TSEN54: variants seen among roughly 807,000 people sequenced by gnomAD.
TSEN54 encodes tRNA-splicing endonuclease subunit Sen54.
In TSEN54, 55 loss-of-function variants were observed where a neutral mutation model predicts 61.9. The ratio of observed to expected loss-of-function variants is 0.89; its 90% CI spans 0.72 to 1.11. TSEN54 has a LOEUF of 1.11. Among genes scored for constraint, TSEN54 ranks in the 50% most tolerant of loss-of-function variants. The pLI, the probability that TSEN54 is intolerant of heterozygous loss-of-function variation, is 0.00. For synonymous variants in TSEN54, 304 were observed against 288.7 expected (o/e 1.05, Z -0.54); for missense variants, 760 against 687.7 (o/e 1.11, Z -1.18).
At chr17:75,517,920 T>C (rs2053391058) in intron 5 of TSEN54, among the ~76,000 whole-genome samples, 2 of 152,040 alleles carry the variant, frequency 1.3e-5, no homozygotes, top group Non-Finnish European at 2.9e-5. Context: ...TGTCGCAGGT[T>C]GGGGGTGGGT....
rs2053482004 is a variant in TSEN54 at position 75,524,561 on chromosome 17, A to G, written c.*149A>G. On this transcript the variant is annotated 3_prime_UTR_variant, in exon 11 of 11. Coordinates refer to ENST00000333213, the MANE Select transcript of TSEN54 (RefSeq NM_207346.3). ...TTGGCCCTGGGTGTCTGATACTCACAGAGTGAAACTGTGACCCTCTCCCTT... is the reference window on the plus strand; with the variant it reads ...TTGGCCCTGGGTGTCTGATACTCACGGAGTGAAACTGTGACCCTCTCCCTT... The G allele has an allele frequency of 3.0e-6, 3 of 984,334 alleles. No homozygotes were observed. Among genetic ancestry groups the G allele is most frequent in the Non-Finnish European group, 4.8e-6 (3 of 630,372 alleles). The allele number at this position is 984,334 out of a possible 1,614,324, so 61.0% of individuals were successfully genotyped here.
At position 75,521,714 on chromosome 17, in the gene TSEN54, T is replaced by A. The variant is rs1356775062; in HGVS notation, c.633T>A (p.Asn211Lys). The change falls in exon 8 of 11, where the codon AAT becomes AAA. Residue 211 changes from asparagine (N) to lysine (K), a missense_variant. Coordinates refer to ENST00000333213, the MANE Select transcript of TSEN54 (RefSeq NM_207346.3). ...CCCCCACGTCCCTCAGGTCCATTAA[T>A]AAGAAGGCCAAGGCCCTGGACAACT... ...KRSSSSPRSI[N>K]KKAKALDNSL... The A allele has an allele frequency of 1.2e-6, 2 of 1,612,960 alleles. No homozygotes were observed. Among genetic ancestry groups the A allele is most frequent in the Non-Finnish European group, 1.7e-6 (2 of 1,179,918 alleles).
Position 75,524,370 on chromosome 17 carries a change from C to T in TSEN54, c.1539C>T (p.Tyr513=). The change falls in exon 11 of 11, where the codon TAC becomes TAT. Residue 513 remains tyrosine, a synonymous_variant. Transcript: ENST00000333213. ...ALVDHGDISF[Y]SFRDFTLPQD... is the part of the protein sequence containing the mutation. ...TGGATCATGGTGACATCTCCTTCTA[C>T]AGCTTCAGGGACTTCACGTTGCCCC... 2 of 1,614,196 alleles carry T rather than the reference C, an allele frequency of 1.2e-6. No individual in the cohort carries two copies. The highest frequency in any genetic ancestry group is 1.7e-6 in the Non-Finnish European group (2 of 1,180,046).
Position 75,516,575 on chromosome 17 carries a change from C to T in TSEN54, c.15C>T (p.Pro5=). 1 of 1,153,076 alleles carries T rather than the reference C, an allele frequency of 8.7e-7. No homozygotes were observed. The highest frequency in any genetic ancestry group is 4.8e-5 in the Admixed American group (1 of 20,866). 71.4% of individuals were successfully genotyped at this position (1,153,076 alleles called of 1,614,324 possible). A position where few individuals can be genotyped will look rare whatever the true frequency, so the allele number is the denominator to read the frequency against. MEPE[P]EPAAVEVPAG... is the part of the protein sequence containing the mutation. ...GCGGCGGCGGGATGGAGCCCGAGCC[C>T]GAGCCCGCGGCCGTGGAGGTTCCCG... The change falls in exon 1 of 11, where the codon CCC becomes CCT. Residue 5 remains proline, a synonymous_variant. Transcript: ENST00000333213.
chr17:75,520,559 C>G (rs2053416848), intron 6 of TSEN54, among the ~76,000 whole-genome samples: 1 of 144,474 alleles, frequency 6.9e-6, no homozygotes, highest in South Asian at 2.2e-4. Flanking sequence ...GCACTCCAGC[C>G]TGGGCGAAAA....
chr17:75,517,111 GCCCTCCCTGC>G lies in TSEN54; in HGVS notation c.285+42_286-38del, dbSNP rs571824583. ...TCGGGGACCGGGGACCGCCCTCCCT[GCCCTCCCTGC>G]CCTCCCTCCCTTGTGACACTTGCTC... On this transcript the variant is annotated intron_variant, in intron 3 of 10. Transcript: ENST00000333213. 910 of 1,507,034 alleles carry G rather than the reference GCCCTCCCTGC, an allele frequency of 6.0e-4. 5 individuals are homozygous for G. In the African/African-American group the frequency reaches 0.017, roughly 29 times the overall value. The allele number at this position is 1,507,034 out of a possible 1,614,324, so 93.4% of individuals were successfully genotyped here.
In TSEN54 at chr17:75,524,562, G is replaced by GTTTCACTCTGTGAGTATC; in HGVS notation, c.*150_*151insTTTCACTCTGTGAGTATC. ...TGGCCCTGGGTGTCTGATACTCACA[G>GTTTCACTCTGTGAGTATC]AGTGAAACTGTGACCCTCTCCCTTC... On this transcript the variant is annotated 3_prime_UTR_variant, in exon 11 of 11. Transcript: ENST00000333213. The GTTTCACTCTGTGAGTATC allele has an allele frequency of 1.0e-6, 1 of 973,264 alleles. No individual in the cohort carries two copies. Among genetic ancestry groups the GTTTCACTCTGTGAGTATC allele is most frequent in the Non-Finnish European group, 1.6e-6 (1 of 621,330 alleles). The allele number at this position is 973,264 out of a possible 1,614,324, so 60.3% of individuals were successfully genotyped here.
rs2147015302 is a variant in TSEN54, at chr17:75,523,194, A to G, written c.1253-81A>G. 3 of 1,601,418 alleles carry G rather than the reference A, an allele frequency of 1.9e-6. No homozygotes were observed. The East Asian group carries it at 6.7e-5, about 36-fold the overall frequency. On this transcript the variant is annotated intron_variant, in intron 8 of 10. Coordinates refer to ENST00000333213, the MANE Select transcript of TSEN54 (RefSeq NM_207346.3). ...ACTCCGTTTAAAAAAAAAAGTTGCTAAATCTGGCCGTCCTAAACTAGATGG... is the reference window on the plus strand; with the variant it reads ...ACTCCGTTTAAAAAAAAAAGTTGCTGAATCTGGCCGTCCTAAACTAGATGG...
rs924080420 is a variant in TSEN54 at position 75,521,857 on chromosome 17, A to G, written c.776A>G (p.Gln259Arg). 1 of 1,611,988 alleles carries G rather than the reference A, an allele frequency of 6.2e-7. No individual in the cohort carries two copies. Among genetic ancestry groups the G allele is most frequent in the Non-Finnish European group, 8.5e-7 (1 of 1,179,538 alleles). ...SPMKGPGGPF[Q>R]LLGSLGPSPG... ...ATGAAGGGCCCAGGGGGCCCCTTTC[A>G]GCTTCTGGGGTCCCTGGGCCCCAGC... The change falls in exon 8 of 11, where the codon CAG becomes CGG. Residue 259 changes from glutamine to arginine, a missense_variant. Coordinates refer to ENST00000333213, the MANE Select transcript of TSEN54 (RefSeq NM_207346.3).
intron 5 of TSEN54, among the ~76,000 whole-genome samples, chr17:75,518,207 G>A (rs975053703): frequency 6.6e-6 from 1 of 152,214 alleles, no homozygotes; most frequent in African/African-American, 2.4e-5. Context: ...GTGTAAAGCA[G>A]ACAGACAATT....
intron 8 of TSEN54, 53 bp downstream of exon 8, chr17:75,522,386 C>T (rs1387332330): frequency 2.0e-6 from 3 of 1,538,348 alleles, no homozygotes; most frequent in South Asian, 2.4e-5. Flanking sequence ...TGAGGAATCA[C>T]AGGACTTTGG....
rs2053450810 is a variant in TSEN54, at chr17:75,523,322, G to A, written c.1300G>A (p.Asp434Asn). 1 of 1,613,970 alleles carries A rather than the reference G, an allele frequency of 6.2e-7. No homozygotes were observed. The highest frequency in any genetic ancestry group is 8.5e-7 in the Non-Finnish European group (1 of 1,180,000). Reference protein sequence around the residue: ...ISVLQTTHLPDGGARLLEKSG... With the variant: ...ISVLQTTHLPNGGARLLEKSG... ...TGTGCTGCAGACAACACACCTTCCT[G>A]ATGGAGGTGCCCGGTAAGTTTCCAA... Residue 434 changes from aspartate (D) to asparagine (N), a missense_variant, in exon 9 of 11, where the codon GAT becomes AAT. This residue lies in a region of TSEN54 where 667 missense variants were observed against 577.8 expected (regional missense o/e 1.15). Transcript: ENST00000333213.
chr17:75,518,941 TTGG>T (rs2053400562), intron 5 of TSEN54, 51 bp from the exon 6 acceptor site: 1 of 1,609,700 alleles, frequency 6.2e-7, no homozygotes, highest in Non-Finnish European at 8.5e-7. Flanking sequence ...GAGAAACCAT[TTGG>T]TGTTTTCCAG....
rs1410411397 is a variant in TSEN54 at position 75,521,966 on chromosome 17, C to A, written c.885C>A (p.Arg295=). Residue 295 remains arginine (R), a synonymous_variant, in exon 8 of 11, where the codon CGC becomes CGA. Coordinates refer to ENST00000333213, the MANE Select transcript of TSEN54 (RefSeq NM_207346.3). ...GAGTCACGGGAGCCGGTAAGCGGCG[C>A]TGGAACTTCGAGCAGATCTCCTTCC... The part of the protein sequence containing the change: ...ENGVTGAGKR[R]WNFEQISFPN... 1.9e-6 allele frequency: 3 copies of A among 1,609,304 alleles called. No individual in the cohort carries two copies. The highest frequency in any genetic ancestry group is 2.5e-6 in the Non-Finnish European group (3 of 1,178,656).
In TSEN54 at chr17:75,521,795, C is replaced by T. The variant is rs1424637895; in HGVS notation, c.714C>T (p.Ser238=). ...GCCCACCTCCCTGCAGCCAGCCCAG[C>T]CAATGCCCAGAGGAGAAACCCCAGG... ...ASSPPPCSQP[S]QCPEEKPQES... is the part of the protein sequence containing the mutation. Residue 238 remains serine, a synonymous_variant, in exon 8 of 11, where the codon AGC becomes AGT. Coordinates refer to ENST00000333213, the MANE Select transcript of TSEN54 (RefSeq NM_207346.3). The T allele has an allele frequency of 1.2e-6, 2 of 1,613,038 alleles. No homozygotes were observed. Among genetic ancestry groups the T allele is most frequent in the Non-Finnish European group, 1.7e-6 (2 of 1,180,008 alleles).
intron 5 of TSEN54, chr17:75,518,598 G>A (rs756905323): frequency 6.1e-6 from 6 of 985,226 alleles, no homozygotes; most frequent in African/African-American, 1.7e-5. Context: ...ACTTCCCACC[G>A]GCATCTGTGG....
Position 75,517,007 on chromosome 17 carries a change from A to G in TSEN54, c.222-2A>G, listed in dbSNP as rs1598473704. 1.3e-6 allele frequency: 2 copies of G among 1,582,864 alleles called. No homozygotes were observed. Among genetic ancestry groups the G allele is most frequent in the East Asian group, 2.3e-5 (1 of 43,340 alleles). ...CGCAGACCCCTCCCCACTCCTCGCC[A>G]GGGGCAGCTTGGTGGCTGCCGAGTG... On this transcript the variant is annotated splice_acceptor_variant, in intron 2 of 10. Transcript: ENST00000333213. LOFTEE classifies it high-confidence loss of function.
intron 6 of TSEN54, among the ~76,000 whole-genome samples, chr17:75,519,263 C>T (rs573742333): frequency 6.6e-6 from 1 of 152,312 alleles, no homozygotes; most frequent in South Asian, 2.1e-4. Context: ...ACTCGAGCCG[C>T]ATCTTCAGAT....
intron 6 of TSEN54, among the ~76,000 whole-genome samples, chr17:75,520,338 C>CGCG (rs1376893348): frequency 6.7e-6 from 1 of 149,948 alleles, no homozygotes; most frequent in Non-Finnish European, 1.5e-5. Context: ...GGGAGGCCGA[C>CGCG]GCGGGCGGAT....
Sources: allele counts gnomAD v4.1 joint callset (sites outside exome capture counted in the v4.1 genomes callset), GRCh38; gene constraint gnomAD v4.1.1; regional missense constraint gnomAD v4.1.1; transcripts MANE v1.5; gene names NCBI Gene and HGNC (gene_info 2026-07-23, HGNC 2026-07-21).